The following NAALADL2 variants were observed in gnomAD, a reference collection of about 807,000 sequenced individuals.
NAALADL2 encodes the protein N-acetylated alpha-linked acidic dipeptidase like 2, also known as inactive N-acetylated-alpha-linked acidic dipeptidase-like protein 2.
In NAALADL2, 76 loss-of-function variants were observed where a neutral mutation model predicts 87.2. The ratio of observed to expected loss-of-function variants is 0.87; its 90% CI spans 0.72 to 1.05. The LOEUF (loss-of-function observed/expected upper bound fraction) is 1.05. Among genes scored for constraint, NAALADL2 ranks in the 50% least tolerant of loss-of-function variants. The pLI, the probability that NAALADL2 is intolerant of heterozygous loss-of-function variation, is 0.00. For synonymous variants in NAALADL2, 354 were observed against 331.0 expected, an observed-to-expected ratio of 1.07 and a Z score of -0.75; for missense variants, 1,089 against 945.8, an observed-to-expected ratio of 1.15 and a Z score of -1.99.
intron 3 of NAALADL2, among the ~76,000 whole-genome samples, chr3:174,768,892 G>A (rs1229860754): frequency 6.6e-6 from 1 of 151,542 alleles, no homozygotes; most frequent in African/African-American, 2.4e-5. Flanking sequence ...TAAGTCCTTT[G>A]TATTCACAAT....
intron 2 of NAALADL2, among the ~76,000 whole-genome samples, chr3:174,593,326 C>T (rs1368635006): frequency 2.6e-5 from 4 of 152,096 alleles, no homozygotes; most frequent in Non-Finnish European, 5.9e-5. Flanking sequence ...GTGGTTAGTA[C>T]ATGTCAGACA....
intron 9 of NAALADL2, among the ~76,000 whole-genome samples, chr3:175,529,524 C>A (rs1012683123): frequency 2.0e-5 from 3 of 152,138 alleles, no homozygotes; most frequent in African/African-American, 7.2e-5. Flanking sequence ...ATATTGGACA[C>A]TGAATAAGAG....
chr3:174,839,253 C>G (rs946180235), intron 3 of NAALADL2, among the ~76,000 whole-genome samples: 1 of 152,114 alleles, frequency 6.6e-6, no homozygotes, highest in African/African-American at 2.4e-5. Context: ...AAAGGGCACC[C>G]TATTCAACAA....
chr3:175,216,016 G>C (rs917501719), intron 2 of NAALADL2, among the ~76,000 whole-genome samples: 1 of 152,232 alleles, frequency 6.6e-6, no homozygotes, highest in African/African-American at 2.4e-5. Context: ...CTTAATGGAT[G>C]AATAATTTTA....
intron 10 of NAALADL2, among the ~76,000 whole-genome samples, chr3:175,590,523 A>C (rs143042497): frequency 3.9e-5 from 6 of 152,278 alleles, no homozygotes; most frequent in Non-Finnish European, 8.8e-5. Context: ...ATCAGTACCA[A>C]GATGGCATTT....
At chr3:174,800,281 C>G (rs1718666027) in intron 3 of NAALADL2, among the ~76,000 whole-genome samples, 1 of 152,096 alleles carries the variant, frequency 6.6e-6, no homozygotes, top group African/African-American at 2.4e-5. Context: ...GTTTCGTGGG[C>G]TGGGCCCAGA....
At chr3:174,711,497 A>G (rs925957153) in intron 2 of NAALADL2, among the ~76,000 whole-genome samples, 9 of 152,222 alleles carry the variant, frequency 5.9e-5, no homozygotes, top group Non-Finnish European at 1.2e-4. Flanking sequence ...CCAGGAAAGT[A>G]CAAGGATTTT....
chr3:174,935,440 G>T (rs9846120), intron 1 of NAALADL2, among the ~76,000 whole-genome samples: 42,910 of 151,928 alleles, frequency 0.28, 6,416 homozygotes, highest in East Asian at 0.46. Context: ...GAGATATACT[G>T]GTTATTTACA....
chr3:175,575,439 C>A (rs1234379884), intron 9 of NAALADL2, among the ~76,000 whole-genome samples: 2 of 151,968 alleles, frequency 1.3e-5, no homozygotes, highest in African/African-American at 4.8e-5. Context: ...CTCCTGCCAC[C>A]ACACCCGGCT....
rs973156232 is a variant in NAALADL2 at position 175,613,750 on chromosome 3, A to G, written c.1801-13541A>G. ...TCACTGTACCTCAGTTTCTTCATCT[A>G]TAAAATTGGGATAATAATAACATTT... On this transcript the variant is annotated intron_variant, in intron 10 of 13. Coordinates refer to ENST00000454872, the MANE Select transcript of NAALADL2 (RefSeq NM_207015.3). 1.1e-4 allele frequency among the ~76,000 whole-genome samples: 16 copies of G among 152,336 alleles called. No individual in the cohort carries two copies. In the South Asian group the frequency reaches 1.2e-3, roughly 12 times the overall value.
rs1033193038 is a variant in NAALADL2 at position 175,477,107 on chromosome 3, A to G, written c.1653+5349A>G. Among the ~76,000 whole-genome samples the G allele has an allele frequency of 3.3e-5, 5 of 151,980 alleles. No individual in the cohort carries two copies. The South Asian group carries it at 8.3e-4, about 25-fold the overall frequency. ...TCATCTTTCTGGGGGCAAACACCAA[A>G]ACATTGAGAGCTGTGTTCTTGAACA... On this transcript the variant is annotated intron_variant, in intron 9 of 13. Transcript: ENST00000454872.
intron 2 of NAALADL2, among the ~76,000 whole-genome samples, chr3:175,150,697 G>A (rs1031554000): frequency 6.6e-6 from 1 of 152,126 alleles, no homozygotes; most frequent in African/African-American, 2.4e-5. Flanking sequence ...GCATTTTCAG[G>A]TACAAATTTT....
chr3:175,607,864 C>T (rs1045136608), intron 10 of NAALADL2, among the ~76,000 whole-genome samples: 1 of 151,446 alleles, frequency 6.6e-6, no homozygotes, highest in Non-Finnish European at 1.5e-5. Flanking sequence ...GAATGAGAAA[C>T]AATGGGTTAG....
intron 1 of NAALADL2, among the ~76,000 whole-genome samples, chr3:175,077,957 T>A (rs1716941662): frequency 6.6e-6 from 1 of 152,086 alleles, no homozygotes; most frequent in Non-Finnish European, 1.5e-5. Context: ...CTAGCCTATA[T>A]GGACTACCTA....
At chr3:175,010,174 C>G (rs1749593861) in intron 1 of NAALADL2, among the ~76,000 whole-genome samples, 3 of 152,066 alleles carry the variant, frequency 2.0e-5, no homozygotes, top group African/African-American at 7.2e-5. Flanking sequence ...AATAATGTTG[C>G]TTTTAATTTT....
chr3:175,500,898 A>T, intron 9 of NAALADL2, among the ~76,000 whole-genome samples: 1 of 152,160 alleles, frequency 6.6e-6, no homozygotes, highest in East Asian at 1.9e-4. Context: ...ACACACAGAT[A>T]GACAGTGAGT....
intron 1 of NAALADL2, among the ~76,000 whole-genome samples, chr3:175,013,887 A>C (rs1045010977): frequency 6.6e-6 from 1 of 152,068 alleles, no homozygotes; most frequent in Non-Finnish European, 1.5e-5. Context: ...GTATAATAAT[A>C]ATTTGTCAGA....
chr3:174,832,605 G>T (rs962820893), intron 3 of NAALADL2, among the ~76,000 whole-genome samples: 1 of 152,090 alleles, frequency 6.6e-6, no homozygotes, highest in East Asian at 1.9e-4. Flanking sequence ...GAGACTACAG[G>T]TGGCTGCCAC....
chr3:174,715,063 C>T (rs1279974974), intron 2 of NAALADL2, among the ~76,000 whole-genome samples: 1 of 151,938 alleles, frequency 6.6e-6, no homozygotes, highest in African/African-American at 2.4e-5. Flanking sequence ...AATCATGTGA[C>T]AATTTTTAAG....
Sources: allele counts gnomAD v4.1 joint callset (sites outside exome capture counted in the v4.1 genomes callset), GRCh38; gene constraint gnomAD v4.1.1; transcripts MANE v1.5; gene names NCBI Gene and HGNC (gene_info 2026-07-23, HGNC 2026-07-21).